The following TSR3 variants were observed in gnomAD, a reference collection of about 807,000 sequenced individuals.
TSR3 encodes the protein 18S rRNA aminocarboxypropyltransferase.
TSR3 carries 31 observed loss-of-function variants against 28.1 expected under a neutral mutation model. That is an observed-to-expected ratio of 1.10 (90% CI 0.83 to 1.49). The LOEUF (loss-of-function observed/expected upper bound fraction) is 1.49, where lower values mean the gene tolerates loss of function less well. Ranked by LOEUF, TSR3 falls within the 40% of genes most tolerant of loss-of-function variation. The probability of loss-of-function intolerance (pLI) is 0.00; values close to 1 mark genes in which losing one functional copy is unlikely to be tolerated. For synonymous variants in TSR3, 219 were observed against 197.2 expected, an observed-to-expected ratio of 1.11 and a Z score of -0.93; for missense variants, 511 against 444.0, an observed-to-expected ratio of 1.15 and a Z score of -1.36.
Position 1,350,802 on chromosome 16 carries a change from C to T in TSR3, c.526+5G>A. On this transcript the variant is annotated splice_donor_5th_base_variant and intron_variant, in intron 3 of 5. Transcript: ENST00000007390. Reference sequence around the variant, plus strand: ...GTCACACTGCTGTGGGGCCCCTGGACTCACCTACGATGCAGAAGGTGGCAG... The same window carrying T: ...GTCACACTGCTGTGGGGCCCCTGGATTCACCTACGATGCAGAAGGTGGCAG... 6.2e-7 allele frequency: 1 copy of T among 1,610,954 alleles called. No homozygotes were observed. Among genetic ancestry groups the T allele is most frequent in the South Asian group, 1.1e-5 (1 of 90,990 alleles).
Position 1,351,831 on chromosome 16 carries a change from C to T in TSR3, c.-27G>A. 5 of 1,292,038 alleles carry T rather than the reference C, an allele frequency of 3.9e-6. No individual in the cohort carries two copies. The highest frequency in any genetic ancestry group is 3.9e-6 in the Non-Finnish European group (4 of 1,024,508). The allele number at this position is 1,292,038 out of a possible 1,614,324, so 80.0% of individuals were successfully genotyped here. On this transcript the variant is annotated 5_prime_UTR_variant, in exon 1 of 6. Transcript: ENST00000007390. ...GCGCGGACCTGGGGTGCCGGGGACT[C>T]CCCACCCCACGGCCGCGCCCCTCGG...
At position 1,349,547 on chromosome 16, in the gene TSR3, C is replaced by T. The variant is rs372878190; in HGVS notation, c.829G>A (p.Gly277Arg). ...TCACAGCAGCTGCTGCTGGCTCCTC[C>T]GCGCTCGGCGCCAGGCCCTGGGTCC... Reference protein sequence around the residue: ...SEDPGPGAERGGASSSCCEEE... With the variant: ...SEDPGPGAERRGASSSCCEEE... The change falls in exon 6 of 6, where the codon GGA becomes AGA. Residue 277 changes from glycine to arginine, a missense_variant. By Grantham distance (125) the Gly-to-Arg change is moderately radical. Coordinates refer to ENST00000007390, the MANE Select transcript of TSR3 (RefSeq NM_001001410.3). 24 of 1,613,050 alleles carry T rather than the reference C, an allele frequency of 1.5e-5. No homozygotes were observed. Among genetic ancestry groups the T allele is most frequent in the South Asian group, 1.2e-4 (11 of 91,082 alleles).
chr16:1,350,351 C>T, intron 3 of TSR3, 117 bp from the exon 4 acceptor site: 2 of 1,139,828 alleles, frequency 1.8e-6, no homozygotes, highest in East Asian at 2.6e-5. Context: ...CCCCAGCAAA[C>T]ATCAGCTCAC....
In TSR3 at chr16:1,351,564, G is replaced by A. The variant is rs1484430643; in HGVS notation, c.147C>T (p.Gly49=). ...SVEPGAADGE[G]GPGPAALPCT... is the part of the protein sequence containing the mutation. ...AGGGCAGCGCCGCCGGGCCCGGGCC[G>A]CCCTCGCCGTCAGCCGCCCCTGGCT... Residue 49 remains glycine, a synonymous_variant, in exon 2 of 6, where the codon GGC becomes GGT. Coordinates refer to ENST00000007390, the MANE Select transcript of TSR3 (RefSeq NM_001001410.3). The A allele has an allele frequency of 4.7e-6, 7 of 1,475,018 alleles. No individual in the cohort carries two copies. Among genetic ancestry groups the A allele is most frequent in the Middle Eastern group, 1.7e-4 (1 of 5,750 alleles). The allele number at this position is 1,475,018 out of a possible 1,614,324, so 91.4% of individuals were successfully genotyped here. A position where few individuals can be genotyped will look rare whatever the true frequency, so the allele number is the denominator to read the frequency against.
In TSR3 at chr16:1,351,776, G is replaced by C. The variant is rs1487832786; in HGVS notation, c.29C>G (p.Pro10Arg). The change falls in exon 1 of 6, where the codon CCG (proline) becomes CGG (arginine). Residue 10 changes from proline (P) to arginine (R), a missense_variant. By Grantham distance (103) the Pro-to-Arg change is moderately radical (BLOSUM62 -2). Transcript: ENST00000007390. MGRRRAARG[P>R]GAEGGRPRHL... is the part of the protein sequence containing the mutation. Reference sequence around the variant, plus strand: ...CCGAGGGCGGCCGCCTTCCGCCCCCGGCCCGCGCGCTGCCCTCCTGCGGCC... The same window carrying C: ...CCGAGGGCGGCCGCCTTCCGCCCCCCGCCCGCGCGCTGCCCTCCTGCGGCC... 5 of 1,345,492 alleles carry C rather than the reference G, an allele frequency of 3.7e-6. No individual in the cohort carries two copies. The African/African-American group carries it at 4.6e-5, about 12-fold the overall frequency. 83.3% of individuals were successfully genotyped at this position (1,345,492 alleles called of 1,614,324 possible).
intron 2 of TSR3, among the ~76,000 whole-genome samples, 164 bp from the exon 3 acceptor site, chr16:1,351,164 C>G (rs1210622162): frequency 6.6e-6 from 1 of 152,206 alleles, no homozygotes; most frequent in African/African-American, 2.4e-5. Context: ...GCTTGGGGCA[C>G]CTGGAGCATG....
Position 1,351,748 on chromosome 16 carries a change from G to A in TSR3, c.57C>T (p.His19=). 2 of 1,359,858 alleles carry A rather than the reference G, an allele frequency of 1.5e-6. No homozygotes were observed. Among genetic ancestry groups the A allele is most frequent in the Non-Finnish European group, 1.9e-6 (2 of 1,061,448 alleles). The allele number at this position is 1,359,858 out of a possible 1,614,324, so 84.2% of individuals were successfully genotyped here. ...AGGCCTCCAGGGAGCGCGTCGGGAG[G>A]TGCCGAGGGCGGCCGCCTTCCGCCC... ...GPGAEGGRPR[H]LPTRSLEAFA... The change falls in exon 1 of 6, where the codon CAC becomes CAT. Residue 19 remains histidine (H), a synonymous_variant. Coordinates refer to ENST00000007390, the MANE Select transcript of TSR3 (RefSeq NM_001001410.3).
chr16:1,350,999 G>C lies in TSR3; in HGVS notation c.334C>G (p.Gln112Glu). ...GCGACCCCAGACTGCGCCACCAGCT[G>C]TCTGCCAGGGACAGCATGGGATAAG... The part of the protein sequence containing the change: ...GKQYASPADR[Q>E]LVAQSGVAVI... Residue 112 changes from glutamine (Q) to glutamate (E), a missense_variant and splice_region_variant, in exon 3 of 6, where the codon CAG becomes GAG. Physicochemically the swap from Gln to Glu is conservative, Grantham distance 29 (BLOSUM62 2). Transcript: ENST00000007390. The C allele has an allele frequency of 6.2e-7, 1 of 1,611,412 alleles. No individual in the cohort carries two copies.
In TSR3 at chr16:1,349,263, C is replaced by T. The variant is rs2034589290; in HGVS notation, c.*174G>A. The T allele has an allele frequency of 5.5e-6, 4 of 731,372 alleles. No individual in the cohort carries two copies. Among genetic ancestry groups the T allele is most frequent in the East Asian group, 5.0e-5 (2 of 40,048 alleles). 45.3% of individuals were successfully genotyped at this position (731,372 alleles called of 1,614,324 possible). A position where few individuals can be genotyped will look rare whatever the true frequency, so the allele number is the denominator to read the frequency against. On this transcript the variant is annotated 3_prime_UTR_variant, in exon 6 of 6. Transcript: ENST00000007390. ...GCTTCTTGGCCTGCAGCTTCATTTG[C>T]GAGAGCGCCGAGGCAGGACACAGAG...
At position 1,349,958 on chromosome 16, in the gene TSR3, C is replaced by T. The variant is rs369337216; in HGVS notation, c.704-6G>A. On this transcript the variant is annotated splice_polypyrimidine_tract_variant and splice_region_variant and intron_variant, in intron 4 of 5. Transcript: ENST00000007390. ...TGAATCCACATCGAAGGGATCTGAG[C>T]CGAGAGAGGAAAGTGGCCTCTAAGT... 9.9e-6 allele frequency: 16 copies of T among 1,613,282 alleles called. No individual in the cohort carries two copies. The highest frequency in any genetic ancestry group is 8.0e-5 in the African/African-American group (6 of 74,906).
intron 3 of TSR3, 96 bp downstream of exon 3, chr16:1,350,711 C>T: frequency 3.6e-6 from 5 of 1,398,840 alleles, no homozygotes; most frequent in Non-Finnish European, 5.0e-6. Context: ...GTCCCTTATG[C>T]TCCTCCTGGG....
In TSR3 at chr16:1,351,584, C is replaced by G; in HGVS notation, c.127G>C (p.Gly43Arg). ...GGGCCGCCCTCGCCGTCAGCCGCCCCTGGCTCCACGGAAGCTGCACGAGAG... is the reference window on the plus strand; with the variant it reads ...GGGCCGCCCTCGCCGTCAGCCGCCCGTGGCTCCACGGAAGCTGCACGAGAG... ...GAALQASVEPGAADGEGGPGP... is the reference protein window; with the variant it reads ...GAALQASVEPRAADGEGGPGP... Residue 43 changes from glycine to arginine, a missense_variant, in exon 2 of 6, where the codon GGG becomes CGG. Transcript: ENST00000007390. 6.8e-7 allele frequency: 1 copy of G among 1,475,752 alleles called. No individual in the cohort carries two copies. The highest frequency in any genetic ancestry group is 8.9e-7 in the Non-Finnish European group (1 of 1,122,372). The allele number at this position is 1,475,752 out of a possible 1,614,324, so 91.4% of individuals were successfully genotyped here.
rs2034589859 is a variant in TSR3 at position 1,349,271 on chromosome 16, C to T, written c.*166G>A. The T allele has an allele frequency of 5.2e-6, 4 of 770,968 alleles. No homozygotes were observed. The highest frequency in any genetic ancestry group is 8.8e-6 in the Non-Finnish European group (4 of 453,182). 47.8% of individuals were successfully genotyped at this position (770,968 alleles called of 1,614,324 possible). On this transcript the variant is annotated 3_prime_UTR_variant, in exon 6 of 6. Coordinates refer to ENST00000007390, the MANE Select transcript of TSR3 (RefSeq NM_001001410.3). ...GCCTGCAGCTTCATTTGCGAGAGCG[C>T]CGAGGCAGGACACAGAGCACAGCTG...
Position 1,351,798 on chromosome 16 carries a change from G to T in TSR3, c.7C>A (p.Arg3Ser). Residue 3 changes from arginine to serine, a missense_variant, in exon 1 of 6, where the codon CGC (arginine) becomes AGC (serine). Arg to Ser is a moderately radical substitution (Grantham distance 110). Coordinates refer to ENST00000007390, the MANE Select transcript of TSR3 (RefSeq NM_001001410.3). ...CCCGGCCCGCGCGCTGCCCTCCTGCGGCCCATGGCGCGGACCTGGGGTGCC... is the reference window on the plus strand; with the variant it reads ...CCCGGCCCGCGCGCTGCCCTCCTGCTGCCCATGGCGCGGACCTGGGGTGCC... MG[R>S]RRAARGPGAE... 6.0e-6 allele frequency: 8 copies of T among 1,327,426 alleles called. No individual in the cohort carries two copies. The highest frequency in any genetic ancestry group is 2.0e-5 in the South Asian group (1 of 50,112). The allele number at this position is 1,327,426 out of a possible 1,614,324, so 82.2% of individuals were successfully genotyped here. A position where few individuals can be genotyped will look rare whatever the true frequency, so the allele number is the denominator to read the frequency against.
chr16:1,350,875 G>C lies in TSR3; in HGVS notation c.458C>G (p.Pro153Arg). Reference protein sequence around the residue: ...RLLPYLVAANPVNYGRPYRLS... With the variant: ...RLLPYLVAANRVNYGRPYRLS... Reference sequence around the variant, plus strand: ...TCTGTAGGGCCGGCCATAGTTCACGGGGTTGGCGGCCACCAGGTAGGGCAA... The same window carrying C: ...TCTGTAGGGCCGGCCATAGTTCACGCGGTTGGCGGCCACCAGGTAGGGCAA... Residue 153 changes from proline (P) to arginine (R), a missense_variant, in exon 3 of 6, where the codon CCC becomes CGC. Physicochemically the swap from Pro to Arg is moderately radical, Grantham distance 103. Coordinates refer to ENST00000007390, the MANE Select transcript of TSR3 (RefSeq NM_001001410.3). 4 of 1,613,066 alleles carry C rather than the reference G, an allele frequency of 2.5e-6. No homozygotes were observed. The highest frequency in any genetic ancestry group is 1.7e-6 in the Non-Finnish European group (2 of 1,180,000).
In TSR3 at chr16:1,349,501, C is replaced by T. The variant is rs199925239; in HGVS notation, c.875G>A (p.Arg292Gln). The T allele has an allele frequency of 2.9e-5, 46 of 1,613,720 alleles. No homozygotes were observed. Among genetic ancestry groups the T allele is most frequent in the Middle Eastern group, 3.3e-4 (2 of 6,062 alleles). Residue 292 changes from arginine to glutamine, a missense_variant, in exon 6 of 6, where the codon CGG becomes CAG. Transcript: ENST00000007390. ...AGCCGGGGCCCTGGCCTCAGCCCCC[C>T]GTCCCTGCGTCTGCTCCTCTTCACA... Reference protein sequence around the residue: ...SCCEEEQTQGRGAEARAPAEV... With the variant: ...SCCEEEQTQGQGAEARAPAEV...
At chr16:1,351,297 C>G (rs1007240454) in intron 2 of TSR3, 82 bp downstream of exon 2, 18 of 1,407,674 alleles carry the variant, frequency 1.3e-5, no homozygotes, top group Admixed American at 4.6e-5. Context: ...GTGGGTGCGA[C>G]ATACAAGTGC....
chr16:1,349,300 T>G lies in TSR3; in HGVS notation c.*137A>C, dbSNP rs891355518. 11 of 956,750 alleles carry G rather than the reference T, an allele frequency of 1.1e-5. No homozygotes were observed. The highest frequency in any genetic ancestry group is 1.8e-5 in the Non-Finnish European group (11 of 595,204). 59.3% of individuals were successfully genotyped at this position (956,750 alleles called of 1,614,324 possible). Reference sequence around the variant, plus strand: ...GGCAGGACACAGAGCACAGCTGTGCTGGAAGTGTGGGGAGAACCCGGACAG... The same window carrying G: ...GGCAGGACACAGAGCACAGCTGTGCGGGAAGTGTGGGGAGAACCCGGACAG... On this transcript the variant is annotated 3_prime_UTR_variant, in exon 6 of 6. Transcript: ENST00000007390.
intron 5 of TSR3, 37 bp from the exon 6 acceptor site, chr16:1,349,645 C>T (rs781021895): frequency 5.8e-6 from 9 of 1,558,394 alleles, no homozygotes; most frequent in African/African-American, 4.1e-5. Context: ...CAAATGACGT[C>T]CTCCCTGGCT....
Sources: gnomAD v4.1 joint callset for allele counts (sites outside exome capture counted in the v4.1 genomes callset) on GRCh38, gnomAD v4.1.1 for gene constraint, MANE v1.5 for transcripts, NCBI Gene and HGNC (gene_info 2026-07-23, HGNC 2026-07-21) for gene names.